The following ZCCHC10 variants were observed in gnomAD, a reference collection of about 807,000 sequenced individuals.
ZCCHC10 encodes the protein zinc finger CCHC-type containing 10, also known as zinc finger CCHC domain-containing protein 10.
A neutral mutation model predicts 19.5 loss-of-function variants in ZCCHC10; 16 were observed. That is an observed-to-expected ratio of 0.82 (90% confidence interval 0.56 to 1.25). The LOEUF (loss-of-function observed/expected upper bound fraction) is 1.25. ZCCHC10 is among the 50% of genes most tolerant of loss of function. ZCCHC10 has a pLI of 0.00. For synonymous variants in ZCCHC10, 67 were observed against 72.5 expected, an observed-to-expected ratio of 0.92 and a Z score of 0.38; for missense variants, 197 against 201.0, an observed-to-expected ratio of 0.98 and a Z score of 0.12.
chr5:133,002,418 G>A (rs542845960), intron 3 of ZCCHC10, among the ~76,000 whole-genome samples: 1 of 152,096 alleles, frequency 6.6e-6, no homozygotes, highest in South Asian at 2.1e-4. Context: ...TGTTGCCCAG[G>A]CTGGTCTCAA....
At chr5:133,004,081 G>A (rs1052379948) in intron 3 of ZCCHC10, among the ~76,000 whole-genome samples, 2 of 152,006 alleles carry the variant, frequency 1.3e-5, no homozygotes, top group Non-Finnish European at 2.9e-5. Context: ...CTTCATGGTA[G>A]AATGTGACCA....
At chr5:133,023,838 T>C (rs1467806000) in intron 1 of ZCCHC10, among the ~76,000 whole-genome samples, 1 of 152,158 alleles carries the variant, frequency 6.6e-6, no homozygotes, top group African/African-American at 2.4e-5. Context: ...ATTTTAAATT[T>C]GTTGTTATGT....
chr5:133,014,477 T>C (rs1274208203), intron 2 of ZCCHC10, among the ~76,000 whole-genome samples: 1 of 152,208 alleles, frequency 6.6e-6, no homozygotes, highest in African/African-American at 2.4e-5. Context: ...ATTTATTCTT[T>C]AGACCACACC....
chr5:133,019,368 T>C (rs1420106166), intron 2 of ZCCHC10, among the ~76,000 whole-genome samples: 1 of 152,206 alleles, frequency 6.6e-6, no homozygotes, highest in African/African-American at 2.4e-5. Flanking sequence ...CAAACAAGAT[T>C]ACCATTTCTT....
chr5:133,003,914 T>A (rs1003784770), intron 3 of ZCCHC10, among the ~76,000 whole-genome samples: 5 of 152,094 alleles, frequency 3.3e-5, no homozygotes, highest in African/African-American at 1.2e-4. Flanking sequence ...TTTGCCATGT[T>A]GGCCAGGATG....
chr5:133,014,154 C>CT (rs767551153), intron 2 of ZCCHC10, among the ~76,000 whole-genome samples: 1,808 of 112,982 alleles, frequency 0.016, 36 homozygotes, highest in African/African-American at 0.046. Flanking sequence ...ACTATTTACT[C>CT]TTTTTTTTTT....
At chr5:133,004,996 C>A (rs1289148072) in intron 3 of ZCCHC10, among the ~76,000 whole-genome samples, 1 of 151,712 alleles carries the variant, frequency 6.6e-6, no homozygotes, top group African/African-American at 2.4e-5. Flanking sequence ...GAGGGAAAAA[C>A]CTTAAAAAAG....
At chr5:133,013,449 C>T (rs1480965171) in intron 2 of ZCCHC10, among the ~76,000 whole-genome samples, 1 of 151,964 alleles carries the variant, frequency 6.6e-6, no homozygotes, top group Admixed American at 6.6e-5. Context: ...AGAGGCCAGG[C>T]GTGGTGGCTC....
At chr5:133,016,732 C>T (rs571656942) in intron 2 of ZCCHC10, among the ~76,000 whole-genome samples, 7 of 152,128 alleles carry the variant, frequency 4.6e-5, no homozygotes, top group African/African-American at 7.2e-5. Flanking sequence ...TGTGACCCAC[C>T]GCGCACAGCT....
At chr5:133,008,854 A>AG in intron 2 of ZCCHC10, among the ~76,000 whole-genome samples, 1 of 152,192 alleles carries the variant, frequency 6.6e-6, no homozygotes, top group East Asian at 1.9e-4. Context: ...TCTAAAAAAA[A>AG]CTACAAAAAT....
At chr5:133,023,176 TG>T (rs1399916203) in intron 1 of ZCCHC10, among the ~76,000 whole-genome samples, 14 of 152,176 alleles carry the variant, frequency 9.2e-5, no homozygotes, top group African/African-American at 2.9e-4. Flanking sequence ...TACACATTAC[TG>T]GAAGTCTTCA....
At position 133,026,548 on chromosome 5, in the gene ZCCHC10, T is replaced by C. The variant is rs779522556; in HGVS notation, c.-11A>G. On this transcript the variant is annotated 5_prime_UTR_variant, in exon 1 of 5. Coordinates refer to ENST00000509437, the MANE Select transcript of ZCCHC10 (RefSeq NM_001300816.3). ...CATGGGAGTCGCCATCTTAGCGCGG[T>C]CAAAGCCGGCCGCGCAGGGTTTTGG... The C allele has an allele frequency of 1.9e-6, 3 of 1,613,008 alleles. No homozygotes were observed. The Admixed American group carries it at 5.0e-5, about 27-fold the overall frequency.
intron 2 of ZCCHC10, among the ~76,000 whole-genome samples, chr5:133,015,604 G>A (rs1048314681): frequency 1.2e-4 from 18 of 152,122 alleles, no homozygotes; most frequent in African/African-American, 4.3e-4. Flanking sequence ...CATGTGGCAA[G>A]GAACCTTACC....
chr5:133,023,203 C>T (rs921135878), intron 1 of ZCCHC10, among the ~76,000 whole-genome samples: 3 of 152,024 alleles, frequency 2.0e-5, no homozygotes, highest in Admixed American at 6.6e-5. Context: ...AGTTTGATGA[C>T]GACTCTGGAT....
chr5:133,023,247 T>G (rs1225383511), intron 1 of ZCCHC10, among the ~76,000 whole-genome samples: 1 of 152,058 alleles, frequency 6.6e-6, no homozygotes, highest in Non-Finnish European at 1.5e-5. Context: ...TCATATAAGG[T>G]TTAATAGAAG....
At chr5:132,999,574 C>G (rs1218110536) in intron 4 of ZCCHC10, among the ~76,000 whole-genome samples, 1 of 152,106 alleles carries the variant, frequency 6.6e-6, no homozygotes, top group African/African-American at 2.4e-5. Flanking sequence ...ACTTCCTATT[C>G]TAAGCCAAGA....
rs750943428 is a variant in ZCCHC10 at position 132,998,615 on chromosome 5, C to T, written c.547G>A (p.Asp183Asn). The change falls in exon 5 of 5, where the codon GAT (aspartate) becomes AAT (asparagine). Residue 183 changes from aspartate to asparagine, a missense_variant. Transcript: ENST00000509437. ...TTTTTCTTCTTCTTTGGTGGTTCAT[C>T]GTCAGAGCTGCTATCTGTGCTGGTG... ...SSTSTDSSSD[D>N]EPPKKKKKK 1.9e-6 allele frequency: 3 copies of T among 1,613,842 alleles called. No homozygotes were observed. The highest frequency in any genetic ancestry group is 2.2e-5 in the South Asian group (2 of 91,082).
At chr5:133,017,362 T>C (rs1009630549) in intron 2 of ZCCHC10, among the ~76,000 whole-genome samples, 4 of 147,896 alleles carry the variant, frequency 2.7e-5, no homozygotes, top group African/African-American at 5.0e-5. Flanking sequence ...AAAATGTCCA[T>C]AGCATGATTT....
chr5:133,024,925 TCTGA>T (rs1308703761), intron 1 of ZCCHC10, among the ~76,000 whole-genome samples: 2 of 151,620 alleles, frequency 1.3e-5, no homozygotes, highest in Non-Finnish European at 2.9e-5. Flanking sequence ...AAAAAACCTG[TCTGA>T]CTTCGAGCCT....
Sources: allele counts gnomAD v4.1 joint callset (sites outside exome capture counted in the v4.1 genomes callset), GRCh38; gene constraint gnomAD v4.1.1; transcripts MANE v1.5; gene names NCBI Gene and HGNC (gene_info 2026-07-23, HGNC 2026-07-21).